The following AFAP1 variants were observed in gnomAD, a reference collection of about 807,000 sequenced individuals.
AFAP1 encodes actin filament associated protein 1, also known as actin filament-associated protein 1.
A neutral mutation model predicts 93.9 loss-of-function variants in AFAP1; 75 were observed. The ratio of observed to expected loss-of-function variants is 0.80; its 90% confidence interval spans 0.66 to 0.97. AFAP1 has a LOEUF of 0.97. Ranked by LOEUF, AFAP1 falls within the 50% of genes least tolerant of loss-of-function variation. The probability of loss-of-function intolerance (pLI) is 0.00; values close to 1 mark genes in which losing one functional copy is unlikely to be tolerated. For missense variants in AFAP1, 1,201 were observed against 1,050.8 expected, an observed-to-expected ratio of 1.14 and a Z score of -1.98; for synonymous variants, 517 against 430.7, an observed-to-expected ratio of 1.20 and a Z score of -2.48.
chr4:7,873,073 T>C (rs2149185967), intron 1 of AFAP1, among the ~76,000 whole-genome samples: 1 of 150,622 alleles, frequency 6.6e-6, no homozygotes, highest in Non-Finnish European at 1.5e-5. Flanking sequence ...AACATGGCCA[T>C]CTCTATTAAA....
intron 12 of AFAP1, among the ~76,000 whole-genome samples, chr4:7,785,244 T>G (rs1269005721): frequency 6.6e-6 from 1 of 151,972 alleles, no homozygotes; most frequent in Non-Finnish European, 1.5e-5. Flanking sequence ...GGCCTGCTGA[T>G]TACACGTACG....
chr4:7,879,670 T>G (rs1363066499), intron 1 of AFAP1, among the ~76,000 whole-genome samples: 1 of 151,212 alleles, frequency 6.6e-6, no homozygotes, highest in African/African-American at 2.4e-5. Flanking sequence ...AAGGCCTCTT[T>G]GGACTAATTA....
At chr4:7,848,243 A>AAGGAAGGGAGGGAGGG (rs1714032353) in intron 4 of AFAP1, among the ~76,000 whole-genome samples, 2 of 99,120 alleles carry the variant, frequency 2.0e-5, no homozygotes, top group African/African-American at 8.3e-5. Context: ...TGGAGGGAGG[A>AAGGAAGGGAGGGAGGG]AGGGAGGGAG....
At position 7,802,307 on chromosome 4, in the gene AFAP1, G is replaced by A. The variant is rs781016907; in HGVS notation, c.1055-1654C>T. ...AGGCTGAGGCTCCAAGGCCTGTGCC[G>A]TGGCCGCCCTCTTGTGTTCAGAGAG... On this transcript the variant is annotated intron_variant, in intron 9 of 17. Coordinates refer to ENST00000420658, the MANE Select transcript of AFAP1 (RefSeq NM_001134647.2). Among the ~76,000 whole-genome samples, 7 of 152,342 alleles carry A rather than the reference G, an allele frequency of 4.6e-5. No homozygotes were observed. The East Asian group carries it at 1.2e-3, about 25-fold the overall frequency.
chr4:7,782,705 G>A (rs538692456), intron 12 of AFAP1, among the ~76,000 whole-genome samples: 1 of 152,280 alleles, frequency 6.6e-6, no homozygotes, highest in Admixed American at 6.5e-5. Flanking sequence ...CTTTTACCCC[G>A]TTGATAGTCT....
chr4:7,917,477 T>C (rs1231450408), intron 1 of AFAP1, among the ~76,000 whole-genome samples: 3 of 152,170 alleles, frequency 2.0e-5, no homozygotes, highest in African/African-American at 7.2e-5. Flanking sequence ...CTGTCTTCCA[T>C]ATCATTTGAA....
intron 1 of AFAP1, among the ~76,000 whole-genome samples, chr4:7,891,419 G>A (rs150917074): frequency 4.6e-5 from 7 of 151,912 alleles, no homozygotes; most frequent in South Asian, 2.1e-4. Context: ...TCAAGGTCAC[G>A]TAAAATTCAA....
At chr4:7,783,075 G>A (rs1294022824) in intron 12 of AFAP1, among the ~76,000 whole-genome samples, 1 of 152,158 alleles carries the variant, frequency 6.6e-6, no homozygotes. Context: ...AAGCATCAGG[G>A]GGAACGTTGG....
chr4:7,891,158 G>A (rs531565250), intron 1 of AFAP1, among the ~76,000 whole-genome samples: 3 of 152,246 alleles, frequency 2.0e-5, no homozygotes, highest in African/African-American at 7.2e-5. Flanking sequence ...TGCAAAAGAA[G>A]CTAACACAAG....
chr4:7,913,482 G>A (rs1719892803), intron 1 of AFAP1, among the ~76,000 whole-genome samples: 1 of 151,678 alleles, frequency 6.6e-6, no homozygotes. Flanking sequence ...TAATGGACAT[G>A]TAAAATGTCC....
chr4:7,885,107 C>G (rs1718071700), intron 1 of AFAP1, among the ~76,000 whole-genome samples: 1 of 152,202 alleles, frequency 6.6e-6, no homozygotes, highest in Non-Finnish European at 1.5e-5. Context: ...GTTCCCAAAC[C>G]ATGACCAACC....
chr4:7,896,921 G>A (rs557486461), intron 1 of AFAP1, among the ~76,000 whole-genome samples: 12 of 151,712 alleles, frequency 7.9e-5, no homozygotes, highest in South Asian at 2.1e-4. Context: ...GGTGTGACAC[G>A]GTGTATCTAT....
rs747493252 is a variant in AFAP1 at position 7,768,747 on chromosome 4, T to C, written c.2418+97A>G. ...AAGGCTGAGTGCCAAGTGGATGCAG[T>C]AGGAAGAAGAATGGGCTCCCTACTC... On this transcript the variant is annotated intron_variant, in intron 17 of 17. Coordinates refer to ENST00000420658, the MANE Select transcript of AFAP1 (RefSeq NM_001134647.2). 7 of 1,384,664 alleles carry C rather than the reference T, an allele frequency of 5.1e-6. No homozygotes were observed. The African/African-American group carries it at 8.8e-5, about 17-fold the overall frequency. 85.8% of individuals were successfully genotyped at this position (1,384,664 alleles called of 1,614,324 possible). A position where few individuals can be genotyped will look rare whatever the true frequency, so the allele number is the denominator to read the frequency against.
At chr4:7,857,245 T>C (rs1715172600) in intron 3 of AFAP1, among the ~76,000 whole-genome samples, 1 of 152,176 alleles carries the variant, frequency 6.6e-6, no homozygotes, top group Non-Finnish European at 1.5e-5. Context: ...GTTGCGTTTT[T>C]TTAATGTAAA....
intron 1 of AFAP1, among the ~76,000 whole-genome samples, chr4:7,898,820 T>A (rs1402347284): frequency 2.0e-5 from 3 of 151,262 alleles, no homozygotes; most frequent in Non-Finnish European, 3.0e-5. Context: ...TGTGTGTGTG[T>A]GTGTGTGTGT....
chr4:7,855,679 A>G (rs1714969300), intron 3 of AFAP1, 105 bp from the exon 4 acceptor site: 5 of 938,350 alleles, frequency 5.3e-6, no homozygotes, highest in South Asian at 1.4e-5. Flanking sequence ...TTTCCTTTGT[A>G]AAGTCTTCGG....
At chr4:7,795,135 C>T (rs780476348) in intron 10 of AFAP1, among the ~76,000 whole-genome samples, 2 of 152,084 alleles carry the variant, frequency 1.3e-5, no homozygotes, top group Non-Finnish European at 2.9e-5. Flanking sequence ...AAAGGCCTCT[C>T]TAAAGGAAGG....
intron 1 of AFAP1, among the ~76,000 whole-genome samples, chr4:7,894,481 C>T (rs1232440003): frequency 1.3e-5 from 2 of 152,170 alleles, no homozygotes; most frequent in Non-Finnish European, 1.5e-5. Flanking sequence ...GCAGAAGAGA[C>T]GTACATGTCA....
chr4:7,937,890 G>A (rs372043110), intron 1 of AFAP1, among the ~76,000 whole-genome samples: 1 of 152,254 alleles, frequency 6.6e-6, no homozygotes, highest in Middle Eastern at 3.4e-3. Context: ...AAGAATTGCA[G>A]ATTTAAAATA....
Sources: allele counts gnomAD v4.1 joint callset (sites outside exome capture counted in the v4.1 genomes callset), GRCh38; gene constraint gnomAD v4.1.1; transcripts MANE v1.5; gene names NCBI Gene and HGNC (gene_info 2026-07-23, HGNC 2026-07-21).